The following CLEC17A variants were observed in gnomAD, a reference collection of about 807,000 sequenced individuals.
CLEC17A encodes the protein C-type lectin domain family 17, member A.
In CLEC17A, 37 loss-of-function variants were observed where a neutral mutation model predicts 61.3. That is an observed-to-expected ratio of 0.60 (90% CI 0.46 to 0.79). CLEC17A has a LOEUF of 0.79. Among genes scored for constraint, CLEC17A ranks in the 30% least tolerant of loss-of-function variants. The pLI is 0.00. For missense variants in CLEC17A, 418 were observed against 464.7 expected, an observed-to-expected ratio of 0.90 and a Z score of 0.92; for synonymous variants, 168 against 164.9, an observed-to-expected ratio of 1.02 and a Z score of -0.14.
chr19:14,607,458 C>T (rs1301302843), intron 13 of CLEC17A, among the ~76,000 whole-genome samples: 2 of 151,928 alleles, frequency 1.3e-5, no homozygotes, highest in Non-Finnish European at 2.9e-5. Context: ...CCGCCTTGGC[C>T]TCCCAAAGTG....
At chr19:14,581,366 C>G (rs767035190), upstream of CLEC17A, among the ~76,000 whole-genome samples, 12 of 152,132 alleles carry the variant, frequency 7.9e-5, no homozygotes, top group Non-Finnish European at 1.8e-4. Context: ...CTCTTTTGCC[C>G]AGGCTGGAAT....
In CLEC17A at chr19:14,610,280, C is replaced by T. The variant is rs1187151060; in HGVS notation, c.*84C>T. Reference sequence around the variant, plus strand: ...TGCCCTTTCGTGGACGGCCTTGCCTCTTCGTGAGTGGACACACAGATGTGC... The same window carrying T: ...TGCCCTTTCGTGGACGGCCTTGCCTTTTCGTGAGTGGACACACAGATGTGC... On this transcript the variant is annotated 3_prime_UTR_variant, in exon 14 of 14. Coordinates refer to ENST00000417570, the MANE Select transcript of CLEC17A (RefSeq NM_001204118.2). 4 of 1,513,866 alleles carry T rather than the reference C, an allele frequency of 2.6e-6. No homozygotes were observed. The highest frequency in any genetic ancestry group is 4.0e-5 in the Admixed American group (2 of 49,664). The allele number at this position is 1,513,866 out of a possible 1,614,324, so 93.8% of individuals were successfully genotyped here. A position where few individuals can be genotyped will look rare whatever the true frequency, so the allele number is the denominator to read the frequency against.
intron 13 of CLEC17A, among the ~76,000 whole-genome samples, chr19:14,607,393 C>CG (rs2074913590): frequency 6.6e-6 from 1 of 151,302 alleles, no homozygotes; most frequent in South Asian, 2.1e-4. Context: ...TTAGTAGAGA[C>CG]GGGGTTTCAC....
At position 14,610,344 on chromosome 19, in the gene CLEC17A, A is replaced by AG; in HGVS notation, c.*152dup. ...GGCACCCTGGATGCAGCAAGTTCCC[A>AG]GGGGTGCAAGTCAGGCTGTTTCTAG... is the stretch of plus-strand genomic sequence containing the variant. On this transcript the variant is annotated 3_prime_UTR_variant, in exon 14 of 14. Coordinates refer to ENST00000417570, the MANE Select transcript of CLEC17A (RefSeq NM_001204118.2). 8 of 1,107,210 alleles carry AG rather than the reference A, an allele frequency of 7.2e-6. No homozygotes were observed. The highest frequency in any genetic ancestry group is 1.0e-5 in the Non-Finnish European group (8 of 785,788). 68.6% of individuals were successfully genotyped at this position (1,107,210 alleles called of 1,614,324 possible). A position where few individuals can be genotyped will look rare whatever the true frequency, so the allele number is the denominator to read the frequency against.
chr19:14,592,436 G>A (rs1336361205), intron 4 of CLEC17A, 78 bp downstream of exon 4: 1 of 1,588,278 alleles, frequency 6.3e-7, no homozygotes, highest in Non-Finnish European at 8.6e-7. Flanking sequence ...GGGCATTGTA[G>A]ACACACAGTC....
chr19:14,591,898 ATGTGTGTGTGTG>A (rs747656450), intron 3 of CLEC17A, among the ~76,000 whole-genome samples: 56 of 139,022 alleles, frequency 4.0e-4, no homozygotes, highest in Admixed American at 1.4e-3. Flanking sequence ...CCGGAGAAAA[ATGTGTGTGTGTG>A]TGTGTGTGTG....
intron 13 of CLEC17A, 49 bp from the exon 14 acceptor site, chr19:14,610,015 C>T (rs754148819): frequency 7.1e-7 from 1 of 1,401,516 alleles, no homozygotes; most frequent in Admixed American, 1.7e-5. Context: ...AGAAGAGTTT[C>T]ACCACCCTAA....
At position 14,608,747 on chromosome 19, in the gene CLEC17A, CCT is replaced by C. The variant is rs374515319; in HGVS notation, c.1005-1315_1005-1314del. Reference sequence around the variant, plus strand: ...CTCCCAGGCTCAAGTGATTCTCCCACCTCAGACTATTGAGTAGCTGGGATTAC... The same window carrying C: ...CTCCCAGGCTCAAGTGATTCTCCCACCAGACTATTGAGTAGCTGGGATTAC... On this transcript the variant is annotated intron_variant, in intron 13 of 13. Transcript: ENST00000417570. Among the ~76,000 whole-genome samples, 535 of 151,052 alleles carry C rather than the reference CCT, an allele frequency of 3.5e-3. 4 individuals carry two copies. Among genetic ancestry groups the C allele is most frequent in the African/African-American group, 0.012 (510 of 41,066 alleles).
At chr19:14,607,370 A>AT (rs144994214) in intron 13 of CLEC17A, among the ~76,000 whole-genome samples, 54,789 of 150,456 alleles carry the variant, frequency 0.36, 11,386 homozygotes, top group Non-Finnish European at 0.47. Context: ...TGCCCGGCTA[A>AT]TTTTTTGTAT....
chr19:14,600,811 G>T (rs1364034799), intron 12 of CLEC17A, among the ~76,000 whole-genome samples: 1 of 147,798 alleles, frequency 6.8e-6, no homozygotes, highest in East Asian at 2.1e-4. Context: ...GGATGGTCTT[G>T]ATCTCCTGAC....
chr19:14,586,637 G>C (rs1403430002), intron 2 of CLEC17A, among the ~76,000 whole-genome samples: 3 of 151,940 alleles, frequency 2.0e-5, no homozygotes, highest in Admixed American at 6.6e-5. Context: ...ATGTTGCCCA[G>C]GCTGGTCTTG....
chr19:14,606,499 C>T (rs957877294), intron 12 of CLEC17A, among the ~76,000 whole-genome samples: 31 of 151,700 alleles, frequency 2.0e-4, no homozygotes, highest in African/African-American at 7.3e-4. Context: ...GTCAACATGG[C>T]GAAAGCCCGT....
At chr19:14,603,492 C>T (rs576569114) in intron 12 of CLEC17A, among the ~76,000 whole-genome samples, 3 of 152,166 alleles carry the variant, frequency 2.0e-5, no homozygotes, top group South Asian at 2.1e-4. Flanking sequence ...TGGGATCTTG[C>T]TCTGTTGCCC....
chr19:14,596,043 A>T (rs2074544785), intron 8 of CLEC17A, among the ~76,000 whole-genome samples: 1 of 364 alleles, frequency 2.7e-3, no homozygotes, highest in Non-Finnish European at 6.8e-3. Context: ...ATGTTTAAAA[A>T]GAAAAAGAAG....
At chr19:14,607,995 C>G (rs750520705) in intron 13 of CLEC17A, among the ~76,000 whole-genome samples, 1 of 152,026 alleles carries the variant, frequency 6.6e-6, no homozygotes, top group Non-Finnish European at 1.5e-5. Context: ...CTCAGCCTCC[C>G]GAGTACCTGG....
At chr19:14,584,636 C>T (rs2074245387) in intron 2 of CLEC17A, among the ~76,000 whole-genome samples, 2 of 151,938 alleles carry the variant, frequency 1.3e-5, no homozygotes, top group Admixed American at 6.6e-5. Flanking sequence ...GTGGGACTTG[C>T]CTGAGGTAGG....
chr19:14,587,621 G>A lies in CLEC17A; in HGVS notation c.129G>A (p.Met43Ile). Residue 43 changes from methionine to isoleucine, a missense_variant, in exon 3 of 14, where the codon ATG becomes ATA. Coordinates refer to ENST00000417570, the MANE Select transcript of CLEC17A (RefSeq NM_001204118.2). ...TTGCCTTTCCCCTGGAAGGGACCAT[G>A]GAGGAGGAGGAGGAGGATGATGACT... ...YKDLPPKPGT[M>I]EEEEEDDDYE... The A allele has an allele frequency of 6.4e-6, 10 of 1,569,312 alleles. No homozygotes were observed. The highest frequency in any genetic ancestry group is 8.7e-6 in the Non-Finnish European group (10 of 1,151,328).
upstream of CLEC17A, among the ~76,000 whole-genome samples, chr19:14,581,481 G>A (rs1188689145): frequency 6.7e-6 from 1 of 150,374 alleles, no homozygotes; most frequent in East Asian, 1.9e-4. Flanking sequence ...CCGCTATCAT[G>A]TCCAGCTATT....
In CLEC17A at chr19:14,603,194, T is replaced by C. The variant is rs114049067; in HGVS notation, c.894+3012T>C. ...CTCATTCTGCTAGAATGGTGTACAT[T>C]TACTCTCAGTCAATTGGGTTCTCCC... On this transcript the variant is annotated intron_variant, in intron 12 of 13. Coordinates refer to ENST00000417570, the MANE Select transcript of CLEC17A (RefSeq NM_001204118.2). 5.4e-3 allele frequency among the ~76,000 whole-genome samples: 827 copies of C among 152,296 alleles called. 12 individuals are homozygous for C. The highest frequency in any genetic ancestry group is 0.019 in the African/African-American group (778 of 41,558).
Sources: gnomAD v4.1 joint callset for allele counts (sites outside exome capture counted in the v4.1 genomes callset) on GRCh38, gnomAD v4.1.1 for gene constraint, MANE v1.5 for transcripts, NCBI Gene and HGNC (gene_info 2026-07-23, HGNC 2026-07-21) for gene names.